The following CNST variants were observed in gnomAD, a reference collection of about 807,000 sequenced individuals.
CNST encodes consortin.
A neutral mutation model predicts 72.4 loss-of-function variants in CNST; 39 were observed. The ratio of observed to expected loss-of-function variants is 0.54; its 90% CI spans 0.42 to 0.70. The LOEUF is 0.70. Ranked by LOEUF, CNST falls within the 30% of genes least tolerant of loss-of-function variation. The pLI is 0.00. For missense variants in CNST, 871 were observed against 868.5 expected (o/e 1.00, Z -0.04); for synonymous variants, 332 against 320.1 (o/e 1.04, Z -0.40).
intron 9 of CNST, among the ~76,000 whole-genome samples, chr1:246,652,874 G>T (rs562137953): frequency 2.0e-5 from 3 of 150,942 alleles, no homozygotes; most frequent in South Asian, 2.1e-4. Context: ...CGTGGTGGCG[G>T]GCGCCTGTAG....
rs372173616 is a variant in CNST at position 246,660,341 on chromosome 1, C to T, written c.1972+7C>T. 2.9e-5 allele frequency: 46 copies of T among 1,610,478 alleles called. No individual in the cohort carries two copies. The highest frequency in any genetic ancestry group is 8.0e-5 in the African/African-American group (6 of 74,740). On this transcript the variant is annotated splice_region_variant and intron_variant, in intron 10 of 10. Coordinates refer to ENST00000366513, the MANE Select transcript of CNST (RefSeq NM_152609.3). ...GACGATAGCTTGGATCAAGGTAAACCGCTTGGCACTGTGGCTAGCAGGATA... is the reference window on the plus strand; with the variant it reads ...GACGATAGCTTGGATCAAGGTAAACTGCTTGGCACTGTGGCTAGCAGGATA...
chr1:246,570,048 G>C (rs1284285907), intron 1 of CNST: 1 of 354,734 alleles, frequency 2.8e-6, no homozygotes, highest in Admixed American at 6.4e-5. Flanking sequence ...CTTACCAAGG[G>C]AAAGATCAAA....
chr1:246,661,956 A>G (rs1042397670), intron 10 of CNST, among the ~76,000 whole-genome samples: 1 of 152,124 alleles, frequency 6.6e-6, no homozygotes, highest in African/African-American at 2.4e-5. Flanking sequence ...CACTAATTTG[A>G]CCAAATCGTT....
intron 2 of CNST, among the ~76,000 whole-genome samples, chr1:246,597,927 G>C (rs895458895): frequency 1.3e-5 from 2 of 152,024 alleles, no homozygotes; most frequent in African/African-American, 4.8e-5. Context: ...GCATAAAACA[G>C]CTTCTTCTAA....
chr1:246,584,459 G>T (rs1332504521), intron 1 of CNST, among the ~76,000 whole-genome samples: 1 of 152,102 alleles, frequency 6.6e-6, no homozygotes, highest in Non-Finnish European at 1.5e-5. Flanking sequence ...ATGAAAATTG[G>T]TGTCGAGATA....
In CNST at chr1:246,592,063, TC is replaced by T. The variant is rs1661579485; in HGVS notation, c.379+124del. ...TTGCTTACGATATTCTGGAGCTAGT[TC>T]CGCCGCAGCACAAGTAGATCCAACT... On this transcript the variant is annotated intron_variant, in intron 2 of 10. Coordinates refer to ENST00000366513, the MANE Select transcript of CNST (RefSeq NM_152609.3). The T allele has an allele frequency of 1.1e-5, 8 of 743,300 alleles. No individual in the cohort carries two copies. The South Asian group carries it at 1.5e-4, about 14-fold the overall frequency. The allele number at this position is 743,300 out of a possible 1,614,324, so 46.0% of individuals were successfully genotyped here. A position where few individuals can be genotyped will look rare whatever the true frequency, so the allele number is the denominator to read the frequency against.
chr1:246,567,510 C>T (rs1167121584), intron 1 of CNST, among the ~76,000 whole-genome samples: 1 of 152,156 alleles, frequency 6.6e-6, no homozygotes, highest in Non-Finnish European at 1.5e-5. Flanking sequence ...ACGTACAATC[C>T]TTTCTGCTTA....
intron 1 of CNST, among the ~76,000 whole-genome samples, chr1:246,569,689 A>G (rs528723382): frequency 5.9e-5 from 9 of 152,262 alleles, no homozygotes; most frequent in African/African-American, 2.2e-4. Flanking sequence ...TCAACCTCTC[A>G]AAGTGTTGAG....
intron 2 of CNST, among the ~76,000 whole-genome samples, chr1:246,617,783 C>G (rs1257797747): frequency 1.3e-5 from 2 of 152,126 alleles, no homozygotes; most frequent in Non-Finnish European, 2.9e-5. Flanking sequence ...CTTAAAATTC[C>G]AAGCAACCAG....
intron 2 of CNST, among the ~76,000 whole-genome samples, chr1:246,609,144 C>T (rs1232625010): frequency 1.3e-5 from 2 of 152,130 alleles, no homozygotes; most frequent in African/African-American, 2.4e-5. Flanking sequence ...TCTTTTGGCC[C>T]GAGGTCAGGT....
At chr1:246,590,102 T>G (rs1171595836) in intron 1 of CNST, among the ~76,000 whole-genome samples, 1 of 152,160 alleles carries the variant, frequency 6.6e-6, no homozygotes, top group Admixed American at 6.6e-5. Flanking sequence ...GAGGCTTTAT[T>G]CGGGCGGGAG....
At chr1:246,600,680 G>A (rs150585607) in intron 2 of CNST, among the ~76,000 whole-genome samples, 45 of 152,324 alleles carry the variant, frequency 3.0e-4, no homozygotes, top group African/African-American at 1.1e-3. Flanking sequence ...TAGGAATACA[G>A]GGAGAGAAAG....
chr1:246,652,778 G>A (rs1050008266), intron 9 of CNST, among the ~76,000 whole-genome samples: 1 of 151,442 alleles, frequency 6.6e-6, no homozygotes, highest in East Asian at 2.0e-4. Context: ...GCCAAGGCGG[G>A]CGGATCACGA....
chr1:246,661,305 A>T (rs1667093538), intron 10 of CNST, among the ~76,000 whole-genome samples: 1 of 151,514 alleles, frequency 6.6e-6, no homozygotes, highest in Non-Finnish European at 1.5e-5. Context: ...TTTAGTAGAG[A>T]TGAGGTTTTG....
chr1:246,666,579 T>A lies in CNST; in HGVS notation c.*674T>A, dbSNP rs1041845365. ...GGAGAAGGCTTAACTGTGGAATAGA[T>A]GAATTCTAGAACTCTTGACCCTGCA... On this transcript the variant is annotated 3_prime_UTR_variant, in exon 11 of 11. Coordinates refer to ENST00000366513, the MANE Select transcript of CNST (RefSeq NM_152609.3). 6.6e-6 allele frequency: 1 copy of A among 152,290 alleles called. No homozygotes were observed. Among genetic ancestry groups the A allele is most frequent in the Non-Finnish European group, 1.5e-5 (1 of 68,044 alleles). The allele number at this position is 152,290 out of a possible 1,614,324, so 9.4% of individuals were successfully genotyped here.
chr1:246,636,946 C>T (rs1044133346), intron 6 of CNST, among the ~76,000 whole-genome samples: 3 of 152,032 alleles, frequency 2.0e-5, no homozygotes, highest in East Asian at 1.9e-4. Flanking sequence ...GGCAGCAGGG[C>T]GGCTACTGAC....
chr1:246,590,981 C>G (rs931426892), intron 1 of CNST, among the ~76,000 whole-genome samples: 1 of 151,762 alleles, frequency 6.6e-6, no homozygotes, highest in African/African-American at 2.4e-5. Context: ...ACCTAAACTT[C>G]CCCTCACATA....
In CNST at chr1:246,647,869, A is replaced by T; in HGVS notation, c.1668A>T (p.Leu556Phe). The T allele has an allele frequency of 6.2e-7, 1 of 1,614,160 alleles. No individual in the cohort carries two copies. The highest frequency in any genetic ancestry group is 1.1e-5 in the South Asian group (1 of 91,078). The change falls in exon 9 of 11, where the codon TTA (leucine) becomes TTT (phenylalanine). Residue 556 changes from leucine to phenylalanine, a missense_variant. Coordinates refer to ENST00000366513, the MANE Select transcript of CNST (RefSeq NM_152609.3). Reference protein sequence around the residue: ...DYLNSLLEGCLKDTEDSLSYE... With the variant: ...DYLNSLLEGCFKDTEDSLSYE... ...TGAACAGCCTTTTAGAAGGATGTTT[A>T]AAAGATACTGAAGATTCCCTTTCCT... is the stretch of plus-strand genomic sequence containing the variant.
intron 4 of CNST, among the ~76,000 whole-genome samples, chr1:246,633,696 T>C (rs908907904): frequency 4.6e-5 from 7 of 150,826 alleles, no homozygotes; most frequent in African/African-American, 1.7e-4. Context: ...TGAGCTGAGA[T>C]TGCCCCACTG....
Sources: gnomAD v4.1 joint callset for allele counts (sites outside exome capture counted in the v4.1 genomes callset) on GRCh38, gnomAD v4.1.1 for gene constraint, MANE v1.5 for transcripts, NCBI Gene and HGNC (gene_info 2026-07-23, HGNC 2026-07-21) for gene names.